The following TDRD7 variants were observed in gnomAD, a reference collection of about 807,000 sequenced individuals.
TDRD7 encodes tudor domain containing 7.
Under a neutral mutation model 109.8 loss-of-function variants are expected in TDRD7, and 47 were observed. That is an observed-to-expected ratio of 0.43 (90% CI 0.34 to 0.55). The LOEUF is 0.55. Ranked by LOEUF, TDRD7 falls within the 20% of genes least tolerant of loss-of-function variation. TDRD7 has a pLI of 0.03. For synonymous variants in TDRD7, 424 were observed against 457.3 expected (o/e 0.93, Z 0.93); for missense variants, 1,164 against 1,319.2 (o/e 0.88, Z 1.82).
intron 7 of TDRD7, among the ~76,000 whole-genome samples, chr9:97,463,071 GT>G (rs1321233029): frequency 1.3e-5 from 2 of 152,240 alleles, no homozygotes; most frequent in Admixed American, 1.3e-4. Context: ...AGAGCCAAGA[GT>G]GCAACTGCAT....
chr9:97,490,062 A>C (rs1258997397), intron 16 of TDRD7, among the ~76,000 whole-genome samples: 1 of 152,192 alleles, frequency 6.6e-6, no homozygotes, highest in Admixed American at 6.5e-5. Flanking sequence ...ATACAGAATC[A>C]AATACATTGT....
At chr9:97,433,604 T>C (rs774093829) in intron 4 of TDRD7, among the ~76,000 whole-genome samples, 1 of 151,776 alleles carries the variant, frequency 6.6e-6, no homozygotes, top group Non-Finnish European at 1.5e-5. Context: ...GGAGAAAATA[T>C]TGCAAACCAT....
chr9:97,412,823 G>T lies in TDRD7; in HGVS notation c.-7+585G>T, dbSNP rs1383475166. Among the ~76,000 whole-genome samples, 1 of 152,200 alleles carries T rather than the reference G, an allele frequency of 6.6e-6. No individual in the cohort carries two copies. The highest frequency in any genetic ancestry group is 2.4e-5 in the African/African-American group (1 of 41,454). On this transcript the variant is annotated intron_variant, in intron 1 of 16. Coordinates refer to ENST00000355295, the MANE Select transcript of TDRD7 (RefSeq NM_014290.3). This position sits in a 1 kb window ranked among gnomAD's most constrained non-coding sequence, Gnocchi z 4.3. ...CCAGTGGGTACAGAGCACCCAGCTGGGAGGGAAACATGGATCCGTGAGTAA... is the reference window on the plus strand; with the variant it reads ...CCAGTGGGTACAGAGCACCCAGCTGTGAGGGAAACATGGATCCGTGAGTAA...
chr9:97,482,769 A>G (rs1408246720), intron 14 of TDRD7, 80 bp from the exon 15 acceptor site: 1 of 1,465,088 alleles, frequency 6.8e-7, no homozygotes, highest in African/African-American at 1.4e-5. Flanking sequence ...CTGTGTTTTA[A>G]TGATTAAGGT....
intron 12 of TDRD7, among the ~76,000 whole-genome samples, chr9:97,477,446 G>A (rs938559962): frequency 8.5e-5 from 13 of 152,132 alleles, no homozygotes; most frequent in African/African-American, 3.1e-4. Context: ...GCATTATGTT[G>A]TAAAGTATCT....
At chr9:97,422,418 T>C (rs184056296) in intron 1 of TDRD7, among the ~76,000 whole-genome samples, 7 of 152,314 alleles carry the variant, frequency 4.6e-5, no homozygotes, top group Non-Finnish European at 8.8e-5. Flanking sequence ...CAGTTTACCA[T>C]ATATGGGTTT....
intron 4 of TDRD7, among the ~76,000 whole-genome samples, chr9:97,437,977 C>T (rs962441175): frequency 6.6e-6 from 1 of 152,074 alleles, no homozygotes; most frequent in African/African-American, 2.4e-5. Context: ...CTCCAGTAGA[C>T]CTCTTGATGA....
At chr9:97,436,175 TATTAA>T in intron 4 of TDRD7, among the ~76,000 whole-genome samples, 1 of 152,304 alleles carries the variant, frequency 6.6e-6, no homozygotes, top group East Asian at 1.9e-4. Flanking sequence ...CTAAGGCTCC[TATTAA>T]ATTGTTCTCT....
Position 97,434,386 on chromosome 9 carries a change from A to G in TDRD7, c.563+2148A>G. Among the ~76,000 whole-genome samples, 2 of 152,144 alleles carry G rather than the reference A, an allele frequency of 1.3e-5. 1 individual carries two copies. The highest frequency in any genetic ancestry group is 2.9e-5 in the Non-Finnish European group (2 of 68,020). Reference sequence around the variant, plus strand: ...TAGGATGGGGGTTGTGGACGTACACAATTTCAGTTAGGAGAAATAGGTTCA... The same window carrying G: ...TAGGATGGGGGTTGTGGACGTACACGATTTCAGTTAGGAGAAATAGGTTCA... On this transcript the variant is annotated intron_variant, in intron 4 of 16. Coordinates refer to ENST00000355295, the MANE Select transcript of TDRD7 (RefSeq NM_014290.3).
At chr9:97,487,378 G>A (rs1171303298) in intron 16 of TDRD7, 46 bp downstream of exon 16, 1 of 1,612,888 alleles carries the variant, frequency 6.2e-7, no homozygotes, top group Non-Finnish European at 8.5e-7. Flanking sequence ...ATGCAATATT[G>A]TCATTTTATC....
In TDRD7 at chr9:97,465,354, T is replaced by C. The variant is rs544761279; in HGVS notation, c.1629+326T>C. Among the ~76,000 whole-genome samples, 6 of 152,326 alleles carry C rather than the reference T, an allele frequency of 3.9e-5. No homozygotes were observed. The East Asian group carries it at 5.8e-4, about 15-fold the overall frequency. ...TGACCAGAACTCTGTGGGCCTCTTA[T>C]CAAGGCCAGTACTTCGGAGTGAGGG... is the stretch of plus-strand genomic sequence containing the variant. On this transcript the variant is annotated intron_variant, in intron 8 of 16. Coordinates refer to ENST00000355295, the MANE Select transcript of TDRD7 (RefSeq NM_014290.3).
chr9:97,478,618 T>C (rs1169864597), intron 13 of TDRD7, 45 bp downstream of exon 13: 1 of 1,612,360 alleles, frequency 6.2e-7, no homozygotes. Context: ...CAGATTTGGA[T>C]GTGTTCATAA....
At position 97,482,840 on chromosome 9, in the gene TDRD7, T is replaced by C. The variant is rs1398556063; in HGVS notation, c.2413-9T>C. 14 of 1,613,422 alleles carry C rather than the reference T, an allele frequency of 8.7e-6. No individual in the cohort carries two copies. Among genetic ancestry groups the C allele is most frequent in the Non-Finnish European group, 1.1e-5 (13 of 1,179,634 alleles). ...GTATTTCTTATATCATTTTTTGTGT[T>C]TTCCAAAGGTTACAAAAGTGGATGA... On this transcript the variant is annotated splice_polypyrimidine_tract_variant and intron_variant, in intron 14 of 16. Coordinates refer to ENST00000355295, the MANE Select transcript of TDRD7 (RefSeq NM_014290.3).
chr9:97,457,958 A>T (rs531492916), intron 6 of TDRD7, among the ~76,000 whole-genome samples: 78 of 152,234 alleles, frequency 5.1e-4, no homozygotes, highest in African/African-American at 1.8e-3. Context: ...CAGAGAGGGG[A>T]ACAACACTTA....
chr9:97,419,987 T>G (rs536261094), intron 1 of TDRD7, among the ~76,000 whole-genome samples: 1 of 152,308 alleles, frequency 6.6e-6, no homozygotes, highest in Admixed American at 6.5e-5. Context: ...AGCATTATTA[T>G]AGATACTAGA....
chr9:97,428,330 C>T, intron 1 of TDRD7, 130 bp from the exon 2 acceptor site: 1 of 931,194 alleles, frequency 1.1e-6, no homozygotes, highest in Non-Finnish European at 1.7e-6. Flanking sequence ...GCAGTTGTTT[C>T]CCCATATTGT....
At chr9:97,456,659 T>C (rs1221875955) in intron 6 of TDRD7, among the ~76,000 whole-genome samples, 1 of 152,128 alleles carries the variant, frequency 6.6e-6, no homozygotes, top group Non-Finnish European at 1.5e-5. Context: ...TTACACCTTA[T>C]ACAAAAAATA....
chr9:97,458,040 A>AT (rs1828650239), intron 6 of TDRD7, among the ~76,000 whole-genome samples: 1 of 152,152 alleles, frequency 6.6e-6, no homozygotes, highest in African/African-American at 2.4e-5. Flanking sequence ...GGGCAGGTGG[A>AT]TAGGTGTAGC....
chr9:97,478,603 T>C, intron 13 of TDRD7, 30 bp downstream of exon 13: 8 of 1,613,354 alleles, frequency 5.0e-6, no homozygotes, highest in Non-Finnish European at 6.8e-6. Context: ...GGAGATTTGC[T>C]GGAACAGATT....
Sources: allele counts gnomAD v4.1 joint callset (sites outside exome capture counted in the v4.1 genomes callset), GRCh38; gene constraint gnomAD v4.1.1; non-coding constraint Gnocchi (gnomAD v3.1); transcripts MANE v1.5; gene names NCBI Gene and HGNC (gene_info 2026-07-23, HGNC 2026-07-21).